Variants in ATAD5 observed in about 807,000 individuals in gnomAD.
ATAD5 encodes the protein ATPase family AAA domain containing 5, also known as ATPase family AAA domain-containing protein 5.
In ATAD5, 58 loss-of-function variants were observed where a neutral mutation model predicts 176.9. The ratio of observed to expected loss-of-function variants is 0.33; its 90% CI spans 0.27 to 0.41. The LOEUF is 0.41. Among genes scored for constraint, ATAD5 ranks in the 10% least tolerant of loss-of-function variants. The probability of loss-of-function intolerance (pLI) is 1.00; values close to 1 mark genes in which losing one functional copy is unlikely to be tolerated. For synonymous variants in ATAD5, 640 were observed against 712.6 expected, an observed-to-expected ratio of 0.90 and a Z score of 1.62; for missense variants, 1,789 against 2,094.1, an observed-to-expected ratio of 0.85 and a Z score of 2.84.
At chr17:30,875,058 C>G (rs1370098973) in intron 14 of ATAD5, among the ~76,000 whole-genome samples, 1 of 151,892 alleles carries the variant, frequency 6.6e-6, no homozygotes, top group Non-Finnish European at 1.5e-5. Context: ...TATTGAACAC[C>G]TCTAATATAC....
intron 11 of ATAD5, among the ~76,000 whole-genome samples, chr17:30,867,390 T>C (rs1908062819): frequency 6.6e-6 from 1 of 152,030 alleles, no homozygotes; most frequent in South Asian, 2.1e-4. Flanking sequence ...CAAGACTGTC[T>C]CAAAAAAAGA....
chr17:30,835,472 A>G lies in ATAD5; in HGVS notation c.1391A>G (p.His464Arg). The G allele has an allele frequency of 6.2e-7, 1 of 1,609,552 alleles. No homozygotes were observed. The highest frequency in any genetic ancestry group is 8.5e-7 in the Non-Finnish European group (1 of 1,178,730). ...MVSKNGNLQL[H>R]TDKGSFLKEK... ...TCAAAAAATGGCAATTTACAGTTAC[A>G]CACTGATAAAGGAAGTTTTCTGAAG... The change falls in exon 2 of 23, where the codon CAC (histidine) becomes CGC (arginine). Residue 464 changes from histidine to arginine, a missense_variant. This residue lies in a region of ATAD5 where 696 missense variants were observed against 712.5 expected (regional missense o/e 0.98). Transcript: ENST00000321990.
intron 6 of ATAD5, among the ~76,000 whole-genome samples, chr17:30,850,996 T>G (rs1370837914): frequency 7.1e-5 from 10 of 140,362 alleles, no homozygotes; most frequent in Non-Finnish European, 1.4e-4. Flanking sequence ...GCAATTCTCC[T>G]GCCTCAGCAT....
intron 17 of ATAD5, among the ~76,000 whole-genome samples, chr17:30,878,496 T>C (rs905443605): frequency 3.3e-5 from 5 of 152,118 alleles, no homozygotes; most frequent in African/African-American, 7.2e-5. Flanking sequence ...ATCAGCCTAA[T>C]AGAATTGATC....
chr17:30,891,185 A>T (rs1346228124), intron 19 of ATAD5, among the ~76,000 whole-genome samples: 3 of 152,194 alleles, frequency 2.0e-5, no homozygotes, highest in African/African-American at 7.2e-5. Flanking sequence ...CCCTCTGATG[A>T]TAATTGTACC....
At chr17:30,846,798 G>T (rs1261803851) in intron 6 of ATAD5, among the ~76,000 whole-genome samples, 8 of 149,168 alleles carry the variant, frequency 5.4e-5, no homozygotes, top group Non-Finnish European at 1.0e-4. Flanking sequence ...TCAGCTCACC[G>T]CAACCTCCAC....
At chr17:30,887,956 C>T (rs888794877) in intron 19 of ATAD5, among the ~76,000 whole-genome samples, 3 of 151,880 alleles carry the variant, frequency 2.0e-5, no homozygotes, top group Non-Finnish European at 2.9e-5. Context: ...CTCAGCCTCC[C>T]GAGTAGCTGG....
chr17:30,838,816 G>A (rs1159325880), intron 3 of ATAD5, among the ~76,000 whole-genome samples: 1 of 152,050 alleles, frequency 6.6e-6, no homozygotes, highest in East Asian at 1.9e-4. Flanking sequence ...TCCAAATTGG[G>A]ACCTTTATCC....
In ATAD5 at chr17:30,895,508, G is replaced by A. The variant is rs541855468; in HGVS notation, c.*595G>A. 2 of 151,542 alleles carry A rather than the reference G, an allele frequency of 1.3e-5. No homozygotes were observed. Among genetic ancestry groups the A allele is most frequent in the South Asian group, 2.1e-4 (1 of 4,800 alleles). 9.4% of individuals were successfully genotyped at this position (151,542 alleles called of 1,614,324 possible). Reference sequence around the variant, plus strand: ...CAACTTTTGCCTCCCGGGTTCAAGCGATTATCCTGCCTCAGCCTCCTGAAT... The same window carrying A: ...CAACTTTTGCCTCCCGGGTTCAAGCAATTATCCTGCCTCAGCCTCCTGAAT... On this transcript the variant is annotated 3_prime_UTR_variant, in exon 23 of 23. Transcript: ENST00000321990.
In ATAD5 at chr17:30,834,237, G is replaced by C. The variant is rs1357378772; in HGVS notation, c.156G>C (p.Arg52Ser). ...YLSPLGKTRD[R>S]VFAPPKPSNI... ...CACCACTAGGGAAGACTAGAGACAG[G>C]GTTTTTGCTCCACCAAAACCTAGTA... The change falls in exon 2 of 23, where the codon AGG becomes AGC. Residue 52 changes from arginine to serine, a missense_variant. Coordinates refer to ENST00000321990, the MANE Select transcript of ATAD5 (RefSeq NM_024857.5). 6 of 1,612,992 alleles carry C rather than the reference G, an allele frequency of 3.7e-6. No homozygotes were observed. The highest frequency in any genetic ancestry group is 5.1e-6 in the Non-Finnish European group (6 of 1,179,652).
chr17:30,865,749 A>G lies in ATAD5; in HGVS notation c.3182A>G (p.Gln1061Arg). 6.3e-7 allele frequency: 1 copy of G among 1,596,320 alleles called. No individual in the cohort carries two copies. Among genetic ancestry groups the G allele is most frequent in the South Asian group, 1.1e-5 (1 of 87,060 alleles). The change falls in exon 11 of 23, where the codon CAG becomes CGG. Residue 1061 changes from glutamine to arginine, a missense_variant. Around this residue, in one of 6 missense-constraint regions of ATAD5, gnomAD observed 487 missense variants for 573.6 expected, o/e 0.85. Transcript: ENST00000321990. ...DMLWTEKYQPQTASELIGNEL... is the reference protein window; with the variant it reads ...DMLWTEKYQPRTASELIGNEL... ...CTTTGGACAGAAAAGTATCAACCTC[A>G]GACTGCCAGTGAACTTATAGGAAAT...
intron 18 of ATAD5, 126 bp from the exon 19 acceptor site, chr17:30,887,066 A>G (rs1193274085): frequency 3.0e-6 from 2 of 673,882 alleles, no homozygotes; most frequent in South Asian, 2.4e-5. Context: ...TTCATCCTCA[A>G]GAAGAGCATT....
chr17:30,887,236 T>C lies in ATAD5; in HGVS notation c.4122T>C (p.Asn1374=). The C allele has an allele frequency of 6.2e-7, 1 of 1,602,238 alleles. No homozygotes were observed. The highest frequency in any genetic ancestry group is 8.5e-7 in the Non-Finnish European group (1 of 1,176,724). The change falls in exon 19 of 23, where the codon AAT becomes AAC. Residue 1374 remains asparagine (N), a synonymous_variant. Transcript: ENST00000321990. ...SYLQMICLTE[N]FRTDVKDFVT... is the part of the protein sequence containing the mutation. ...TACAAATGATTTGCTTAACTGAGAA[T>C]TTTAGAACTGATGTAAAAGACTTTG...
At chr17:30,889,672 A>G (rs2142450109) in intron 19 of ATAD5, among the ~76,000 whole-genome samples, 1 of 151,888 alleles carries the variant, frequency 6.6e-6, no homozygotes, top group African/African-American at 2.4e-5. Context: ...TTGTGTTTAC[A>G]TGGTTAAGAC....
intron 1 of ATAD5, among the ~76,000 whole-genome samples, chr17:30,833,013 G>C (rs770564930): frequency 6.6e-6 from 1 of 152,194 alleles, no homozygotes; most frequent in Non-Finnish European, 1.5e-5. Context: ...TAGTGGGCTA[G>C]CATCTTAAGG....
chr17:30,844,021 T>G lies in ATAD5; in HGVS notation c.2350T>G (p.Ser784Ala). The G allele has an allele frequency of 6.5e-7, 1 of 1,546,158 alleles. No homozygotes were observed. Among genetic ancestry groups the G allele is most frequent in the South Asian group, 1.3e-5 (1 of 79,310 alleles). Residue 784 changes from serine to alanine, a missense_variant, in exon 5 of 23, where the codon TCC (serine) becomes GCC (alanine). This residue lies in a region of ATAD5 where 487 missense variants were observed against 573.6 expected (regional missense o/e 0.85). Transcript: ENST00000321990. Reference protein sequence around the residue: ...NDVLGKKLNTSTKNVPGKMKV... With the variant: ...NDVLGKKLNTATKNVPGKMKV... ...TGTGCTAGGAAAAAAACTTAACACA[T>G]CCACTAAAAATGTACCTGGTAATCA...
chr17:30,848,863 T>G (rs950636679), intron 6 of ATAD5, among the ~76,000 whole-genome samples: 1 of 152,148 alleles, frequency 6.6e-6, no homozygotes. Flanking sequence ...ATCATTAGTT[T>G]TCTTTTTCTT....
intron 6 of ATAD5, among the ~76,000 whole-genome samples, chr17:30,848,425 A>AT (rs1047536426): frequency 2.7e-5 from 4 of 150,870 alleles, no homozygotes; most frequent in East Asian, 2.0e-4. Flanking sequence ...AATTTTTTGT[A>AT]TTTTTTTTTC....
chr17:30,836,673 T>C (rs1415495271), intron 2 of ATAD5, among the ~76,000 whole-genome samples: 1 of 152,156 alleles, frequency 6.6e-6, no homozygotes, highest in African/African-American at 2.4e-5. Flanking sequence ...GTTCAAGTGA[T>C]TCTCGTGCCT....
Sources: gnomAD v4.1 joint callset for allele counts (sites outside exome capture counted in the v4.1 genomes callset) on GRCh38, gnomAD v4.1.1 for gene constraint, gnomAD v4.1.1 regional missense constraint, MANE v1.5 for transcripts, NCBI Gene and HGNC (gene_info 2026-07-23, HGNC 2026-07-21) for gene names.